TNS1: variants seen among roughly 807,000 people sequenced by gnomAD.
TNS1 encodes tensin-1.
In TNS1, 62 loss-of-function variants were observed where a neutral mutation model predicts 168.6. That is an observed-to-expected ratio of 0.37 (90% CI 0.30 to 0.45). The LOEUF is 0.45. Among genes scored for constraint, TNS1 ranks in the 20% least tolerant of loss-of-function variants. The probability of loss-of-function intolerance (pLI) is 1.00; values close to 1 mark genes in which losing one functional copy is unlikely to be tolerated. For missense variants in TNS1, 2,240 were observed against 2,339.4 expected (o/e 0.96, Z 0.88); for synonymous variants, 934 against 933.2 (o/e 1.00, Z -0.02).
At chr2:217,886,278 A>C (rs1191671377) in intron 13 of TNS1, among the ~76,000 whole-genome samples, 174 bp from the exon 14 acceptor site, 1 of 152,210 alleles carries the variant, frequency 6.6e-6, no homozygotes, top group Non-Finnish European at 1.5e-5. Context: ...AGGGGAAGAA[A>C]TACCAACTTT....
In TNS1 at chr2:217,817,941, T is replaced by C; in HGVS notation, c.4391A>G (p.Tyr1464Cys). ...TPSFPVSPAY[Y>C]PGLSSPATSP... The stretch of plus-strand genomic sequence containing the variant: ...GGTGGCAGGGCTGCTCAGGCCAGGG[T>C]AGTAGGCAGGGGAGACAGGGAAGGA... The change falls in exon 24 of 33, where the codon TAC becomes TGC. Residue 1464 changes from tyrosine (Y) to cysteine (C), a missense_variant. Tyr to Cys is a radical substitution (Grantham distance 194). This residue lies in a region of TNS1 where 2,131 missense variants were observed against 2,171.2 expected (regional missense o/e 0.98). Transcript: ENST00000682258. 6.2e-7 allele frequency: 1 copy of C among 1,611,170 alleles called. No individual in the cohort carries two copies. Among genetic ancestry groups the C allele is most frequent in the Non-Finnish European group, 8.5e-7 (1 of 1,178,826 alleles).
intron 18 of TNS1, chr2:217,879,491 C>T (rs1231770788): frequency 4.5e-6 from 2 of 445,324 alleles, no homozygotes; most frequent in African/African-American, 2.0e-5. Flanking sequence ...GGTGTCTTGG[C>T]CAATCTGAGG....
chr2:217,963,200 A>G (rs1957542177), intron 3 of TNS1, among the ~76,000 whole-genome samples: 1 of 152,224 alleles, frequency 6.6e-6, no homozygotes, highest in African/African-American at 2.4e-5. Context: ...TCCAGGAATC[A>G]GACAAGGGAT....
intron 3 of TNS1, among the ~76,000 whole-genome samples, chr2:217,964,917 C>G (rs1228646014): frequency 1.3e-5 from 2 of 152,234 alleles, no homozygotes; most frequent in Non-Finnish European, 2.9e-5. Flanking sequence ...CCCACCTGCC[C>G]GCTGCAAGGG....
intron 4 of TNS1, among the ~76,000 whole-genome samples, chr2:217,918,360 G>T (rs1336591796): frequency 6.6e-6 from 1 of 152,218 alleles, no homozygotes. Flanking sequence ...GAGGCGGGTT[G>T]TGACTCAGGC....
chr2:218,017,588 C>A (rs985163869), intron 1 of TNS1, among the ~76,000 whole-genome samples: 2 of 152,266 alleles, frequency 1.3e-5, no homozygotes, highest in Admixed American at 1.3e-4. Context: ...GAGAAGGATC[C>A]AGGTGCAAAG....
chr2:218,018,807 G>A lies in TNS1; in HGVS notation c.156+15013C>T, dbSNP rs545409797. ...GAAATCGATGAATTAGGCTGGGCGC[G>A]GTGGCTCATGCCTGTAATCCCAGCA... On this transcript the variant is annotated intron_variant, in intron 1 of 1. Coordinates refer to the TNS1 transcript ENST00000649572. Among the ~76,000 whole-genome samples the A allele has an allele frequency of 3.3e-5, 5 of 152,316 alleles. No individual in the cohort carries two copies. The South Asian group carries it at 6.2e-4, about 19-fold the overall frequency.
At chr2:217,874,814 G>A (rs1023064071) in intron 18 of TNS1, among the ~76,000 whole-genome samples, 3 of 152,162 alleles carry the variant, frequency 2.0e-5, no homozygotes, top group Non-Finnish European at 4.4e-5. Flanking sequence ...TGAAAGTACT[G>A]TTATTGAACC....
At chr2:217,984,420 T>G (rs1255969435) in intron 2 of TNS1, among the ~76,000 whole-genome samples, 1 of 150,242 alleles carries the variant, frequency 6.7e-6, no homozygotes, top group African/African-American at 2.4e-5. Flanking sequence ...TATTATGAGT[T>G]TTTTTTTTTG....
intron 3 of TNS1, among the ~76,000 whole-genome samples, chr2:217,955,046 C>T (rs1258103519): frequency 2.6e-5 from 4 of 152,328 alleles, no homozygotes; most frequent in South Asian, 4.1e-4. Flanking sequence ...TACCCACGGG[C>T]TGTCTGGGCA....
rs1937827076 is a variant in TNS1 at position 217,803,606 on chromosome 2, C to G, written c.*853G>C. 6.6e-6 allele frequency: 1 copy of G among 152,642 alleles called. No homozygotes were observed. Among genetic ancestry groups the G allele is most frequent in the South Asian group, 2.1e-4 (1 of 4,838 alleles). 9.5% of individuals were successfully genotyped at this position (152,642 alleles called of 1,614,324 possible). On this transcript the variant is annotated 3_prime_UTR_variant, in exon 33 of 33. Transcript: ENST00000682258. ...AGGACAGGGCGATGCCATTGCAGAC[C>G]CTCCCACTCCTGCTGGGGTCTTTGT...
At chr2:218,002,232 G>A (rs1030554782) in intron 1 of TNS1, among the ~76,000 whole-genome samples, 2 of 152,188 alleles carry the variant, frequency 1.3e-5, no homozygotes, top group East Asian at 1.9e-4. Context: ...GAGAAAGGGG[G>A]AAGAGCGGGC....
Position 217,892,088 on chromosome 2 carries a change from C to T in TNS1, c.782+860G>A, listed in dbSNP as rs1951801474. ...CCTAGAACAGAGCCTGGCACATTGT[C>T]TGTTCAATATTTATTGTTTTTTTCT... On this transcript the variant is annotated intron_variant, in intron 11 of 32. Transcript: ENST00000682258. Among the ~76,000 whole-genome samples, 4 of 152,212 alleles carry T rather than the reference C, an allele frequency of 2.6e-5. No homozygotes were observed. In the South Asian group the frequency reaches 8.3e-4, roughly 32 times the overall value.
At chr2:218,010,666 A>C (rs1422247558), upstream of TNS1, among the ~76,000 whole-genome samples, 3 of 144,220 alleles carry the variant, frequency 2.1e-5, no homozygotes, top group Non-Finnish European at 4.6e-5. Context: ...ACCTGCGAGG[A>C]AGGAGCAGCA....
At chr2:217,808,024 T>A in intron 32 of TNS1, 51 bp downstream of exon 32, 1 of 1,606,764 alleles carries the variant, frequency 6.2e-7, no homozygotes, top group Non-Finnish European at 8.5e-7. Context: ...CTTCCCTCAC[T>A]GTGAAGTACA....
At chr2:217,865,401 C>T (rs530346348) in intron 18 of TNS1, among the ~76,000 whole-genome samples, 149 of 152,258 alleles carry the variant, frequency 9.8e-4, no homozygotes, top group South Asian at 1.9e-3. Flanking sequence ...ACATGAGGAG[C>T]GCCCATCTGC....
chr2:218,006,339 T>C (rs1958657264), upstream of TNS1, among the ~76,000 whole-genome samples: 1 of 152,184 alleles, frequency 6.6e-6, no homozygotes, highest in African/African-American at 2.4e-5. Flanking sequence ...ACTGATGGCC[T>C]CCAAGGTCCC....
intron 16 of TNS1, 91 bp downstream of exon 16, chr2:217,884,944 A>G: frequency 6.6e-7 from 1 of 1,526,448 alleles, no homozygotes. Context: ...GGTCCAGAAA[A>G]GATGGTCCCC....
chr2:217,916,424 G>A (rs1007856061), intron 4 of TNS1, among the ~76,000 whole-genome samples: 4 of 152,138 alleles, frequency 2.6e-5, no homozygotes, highest in African/African-American at 4.8e-5. Flanking sequence ...CAGCTCTCCC[G>A]CACACAGAAG....
Sources: allele counts gnomAD v4.1 joint callset (sites outside exome capture counted in the v4.1 genomes callset), GRCh38; gene constraint gnomAD v4.1.1; regional missense constraint gnomAD v4.1.1; transcripts MANE v1.5; gene names NCBI Gene and HGNC (gene_info 2026-07-23, HGNC 2026-07-21).